CRIPTO: variants seen among roughly 807,000 people sequenced by gnomAD.
CRIPTO encodes cripto, EGF-CFC family member.
chr3:46,579,586 C>T, the CRIPTO span: 1 of 1,155,040 alleles, frequency 8.7e-7, no homozygotes, highest in Non-Finnish European at 1.3e-6. Flanking sequence ...CCCAGAACCA[C>T]CACTGGCCTA....
the CRIPTO span, chr3:46,581,257 T>C: frequency 1.3e-6 from 2 of 1,596,438 alleles, no homozygotes; most frequent in Admixed American, 1.7e-5. Flanking sequence ...TTAATCGACA[T>C]TGACCTATTT....
At chr3:46,577,835 G>C in the CRIPTO span, 1 of 1,045,790 alleles carries the variant, frequency 9.6e-7, no homozygotes, top group Non-Finnish European at 1.5e-6. Context: ...ACCTTCTGGG[G>C]AAAACGAATT....
At chr3:46,581,458 T>C in the CRIPTO span, 4,679 of 613,812 alleles carry the variant, frequency 7.6e-3, 201 homozygotes, top group East Asian at 0.098. Context: ...AAACTACTTC[T>C]TTTTTCAAAA....
At chr3:46,580,159 T>C in the CRIPTO span, 1 of 1,515,798 alleles carries the variant, frequency 6.6e-7, no homozygotes, top group East Asian at 2.3e-5. Context: ...CTTGTCTTGC[T>C]AGAGCCTGGC....
chr3:46,580,704 C>G, the CRIPTO span, among the ~76,000 whole-genome samples: 1 of 152,184 alleles, frequency 6.6e-6, no homozygotes, highest in African/African-American at 2.4e-5. Context: ...TAGGGCCCCC[C>G]AAATTCAGAG....
chr3:46,581,668 C>T, the CRIPTO span: 2 of 508,754 alleles, frequency 3.9e-6, no homozygotes, highest in Non-Finnish European at 6.8e-6. Flanking sequence ...TGTCACCATG[C>T]CCAGCTAATT....
the CRIPTO span, chr3:46,581,932 A>T: frequency 6.5e-6 from 1 of 153,800 alleles, no homozygotes; most frequent in Non-Finnish European, 1.4e-5. Flanking sequence ...TACAGTTTTG[A>T]GTAGAGTTGA....
the CRIPTO span, chr3:46,577,268 C>CCA: frequency 1.3e-5 from 2 of 152,432 alleles, no homozygotes; most frequent in African/African-American, 2.4e-5. Context: ...CTAGTCTTCC[C>CCA]CACACACACA....
the CRIPTO span, among the ~76,000 whole-genome samples, chr3:46,580,581 C>A: frequency 4.2e-5 from 6 of 141,824 alleles, no homozygotes; most frequent in Admixed American, 3.6e-4. Context: ...GTCACAGAAC[C>A]CTTTCACCTT....
the CRIPTO span, among the ~76,000 whole-genome samples, chr3:46,576,435 C>G: frequency 7.6e-6 from 1 of 130,952 alleles, no homozygotes; most frequent in Non-Finnish European, 1.5e-5. Flanking sequence ...GAGCCAAGAT[C>G]GTGCCATTGC....
the CRIPTO span, chr3:46,581,428 T>C: frequency 1.5e-6 from 1 of 658,910 alleles, no homozygotes; most frequent in African/African-American, 1.8e-5. Flanking sequence ...TCTTACTTCT[T>C]TGCCCTGCCC....
chr3:46,580,196 C>A, the CRIPTO span: 1 of 1,157,452 alleles, frequency 8.6e-7, no homozygotes, highest in Non-Finnish European at 1.3e-6. Context: ...ATAAAAGCAT[C>A]GCAGACTCCT....
At chr3:46,575,537 G>A in the CRIPTO span, among the ~76,000 whole-genome samples, 4 of 152,158 alleles carry the variant, frequency 2.6e-5, no homozygotes, top group African/African-American at 7.2e-5. Context: ...GGGATTTTGT[G>A]TGGCTGAAAA....
At chr3:46,579,847 G>T in the CRIPTO span, 7 of 1,614,036 alleles carry the variant, frequency 4.3e-6, no homozygotes, top group Non-Finnish European at 5.9e-6. Flanking sequence ...CACGATGTGC[G>T]CAAAGAGTAA....
the CRIPTO span, chr3:46,579,812 C>T: frequency 6.2e-7 from 1 of 1,613,926 alleles, no homozygotes; most frequent in Non-Finnish European, 8.5e-7. Context: ...CCTGCCCTCC[C>T]TCCTTCTACG....
the CRIPTO span, among the ~76,000 whole-genome samples, chr3:46,580,679 C>G: frequency 1.3e-5 from 2 of 152,156 alleles, no homozygotes; most frequent in African/African-American, 4.8e-5. Context: ...TCCACCCTAG[C>G]CTGAGCCAGG....
chr3:46,578,096 C>A, the CRIPTO span: 2 of 1,426,108 alleles, frequency 1.4e-6, no homozygotes, highest in South Asian at 1.1e-5. Context: ...TGATTTTTCT[C>A]TTGCTCAAGC....
At chr3:46,581,694 T>G in the CRIPTO span, 1 of 481,350 alleles carries the variant, frequency 2.1e-6, no homozygotes, top group East Asian at 3.4e-5. Context: ...GTATTTTTAG[T>G]AGAGATGGGG....
chr3:46,576,878 C>T, the CRIPTO span, among the ~76,000 whole-genome samples: 1 of 151,830 alleles, frequency 6.6e-6, no homozygotes, highest in African/African-American at 2.4e-5. Flanking sequence ...TGGAACCACT[C>T]AATAAACACG....
Sources: allele counts gnomAD v4.1 joint callset (sites outside exome capture counted in the v4.1 genomes callset), GRCh38; gene constraint gnomAD v4.1.1; transcripts MANE v1.5; gene names NCBI Gene and HGNC (gene_info 2026-07-23, HGNC 2026-07-21).